CCDC192: variants seen among roughly 807,000 people sequenced by gnomAD.
The protein encoded by CCDC192 is coiled-coil domain containing 192.
intron 2 of CCDC192, among the ~76,000 whole-genome samples, chr5:127,739,198 G>A (rs1406307463): frequency 1.3e-5 from 2 of 151,930 alleles, no homozygotes; most frequent in African/African-American, 4.8e-5. Flanking sequence ...CGTGTGAGGT[G>A]TCAGTGTGCC....
At chr5:127,736,332 A>G (rs1752987096) in intron 2 of CCDC192, among the ~76,000 whole-genome samples, 1 of 146,286 alleles carries the variant, frequency 6.8e-6, no homozygotes, top group Non-Finnish European at 1.5e-5. Context: ...TCGTTTTGCC[A>G]GTATTTTATT....
At chr5:127,895,157 C>G (rs1415044138) in intron 6 of CCDC192, among the ~76,000 whole-genome samples, 1 of 152,208 alleles carries the variant, frequency 6.6e-6, no homozygotes, top group Non-Finnish European at 1.5e-5. Flanking sequence ...TCCCCCACCA[C>G]CTTCTTCTAA....
chr5:127,717,496 G>T (rs1751690269), intron 2 of CCDC192, among the ~76,000 whole-genome samples: 4 of 151,370 alleles, frequency 2.6e-5, no homozygotes, highest in Middle Eastern at 3.4e-3. Context: ...TTGTAATTGG[G>T]ATTTTTTTTT....
intron 2 of CCDC192, among the ~76,000 whole-genome samples, chr5:127,723,690 T>G (rs1423170204): frequency 6.6e-6 from 1 of 152,244 alleles, no homozygotes; most frequent in Non-Finnish European, 1.5e-5. Context: ...CTCTGGATAC[T>G]TGGGGAAGTT....
intron 6 of CCDC192, among the ~76,000 whole-genome samples, chr5:127,900,024 C>A (rs1752995790): frequency 1.3e-5 from 2 of 151,992 alleles, no homozygotes; most frequent in African/African-American, 4.8e-5. Context: ...TAGATTTAAC[C>A]ACCACTTATC....
At chr5:127,754,166 A>G (rs1460332698) in intron 2 of CCDC192, 102 bp from the exon 3 acceptor site, 2 of 393,332 alleles carry the variant, frequency 5.1e-6, no homozygotes, top group Non-Finnish European at 9.0e-6. Flanking sequence ...CAAGCCTATC[A>G]TTGATAAACT....
At chr5:127,905,956 A>G (rs778234870) in intron 6 of CCDC192, among the ~76,000 whole-genome samples, 1 of 152,234 alleles carries the variant, frequency 6.6e-6, no homozygotes, top group Admixed American at 6.5e-5. Context: ...CAATTTTGTC[A>G]AAGGCAAGCT....
intron 2 of CCDC192, among the ~76,000 whole-genome samples, chr5:127,738,930 G>A (rs1049340139): frequency 9.2e-5 from 14 of 151,858 alleles, no homozygotes; most frequent in Middle Eastern, 3.4e-3. Flanking sequence ...CCCTCAGCTC[G>A]TCAAAGTCAT....
intron 5 of CCDC192, among the ~76,000 whole-genome samples, chr5:127,870,640 T>C (rs1751812650): frequency 6.6e-6 from 1 of 152,182 alleles, no homozygotes; most frequent in South Asian, 2.1e-4. Context: ...CTGCTGAAAG[T>C]GCGACTAAAC....
At chr5:127,922,568 A>G (rs1753750960) in intron 6 of CCDC192, among the ~76,000 whole-genome samples, 1 of 152,200 alleles carries the variant, frequency 6.6e-6, no homozygotes, top group Admixed American at 6.5e-5. Context: ...GCAAAACCCC[A>G]TCTCTACATA....
intron 6 of CCDC192, among the ~76,000 whole-genome samples, chr5:127,936,958 G>T (rs1754203890): frequency 6.6e-6 from 1 of 152,180 alleles, no homozygotes. Context: ...GGAGTGAGAT[G>T]GTTAGTGGTA....
At chr5:127,707,802 C>T (rs1751057704) in intron 2 of CCDC192, 42 bp downstream of exon 2, 1 of 397,318 alleles carries the variant, frequency 2.5e-6, no homozygotes, top group Non-Finnish European at 4.4e-6. Flanking sequence ...TTAAAAAAAT[C>T]ATTACAGGTA....
intron 3 of CCDC192, among the ~76,000 whole-genome samples, chr5:127,784,230 A>G (rs757327850): frequency 2.6e-5 from 4 of 152,222 alleles, no homozygotes; most frequent in Non-Finnish European, 4.4e-5. Context: ...AATGGTTTTC[A>G]TAGCAGATTA....
intron 5 of CCDC192, among the ~76,000 whole-genome samples, chr5:127,818,635 G>A (rs1336571455): frequency 6.6e-6 from 1 of 152,182 alleles, no homozygotes; most frequent in Non-Finnish European, 1.5e-5. Context: ...CTAACCCAGG[G>A]TGGAGCTGGA....
intron 5 of CCDC192, among the ~76,000 whole-genome samples, chr5:127,853,964 A>T (rs1750932368): frequency 6.6e-6 from 1 of 151,856 alleles, no homozygotes; most frequent in Non-Finnish European, 1.5e-5. Context: ...CCTTTCAATG[A>T]CTCTATTCCC....
chr5:127,751,610 G>A (rs927917956), intron 2 of CCDC192, among the ~76,000 whole-genome samples: 31 of 152,116 alleles, frequency 2.0e-4, no homozygotes, highest in African/African-American at 6.0e-4. Flanking sequence ...TGCTCTTCTC[G>A]AGGAGTATCT....
chr5:127,821,996 C>G (rs1346184561), intron 5 of CCDC192, among the ~76,000 whole-genome samples: 1 of 152,188 alleles, frequency 6.6e-6, no homozygotes, highest in Non-Finnish European at 1.5e-5. Context: ...AATGTAAACA[C>G]AGGTTAGTAA....
intron 5 of CCDC192, among the ~76,000 whole-genome samples, chr5:127,801,048 A>G (rs2126978778): frequency 6.6e-6 from 1 of 152,260 alleles, no homozygotes; most frequent in Non-Finnish European, 1.5e-5. Flanking sequence ...AAGAGAGAGG[A>G]TAAAAATCTG....
At chr5:127,920,328 TATC>T (rs1209205215) in intron 6 of CCDC192, among the ~76,000 whole-genome samples, 1 of 151,984 alleles carries the variant, frequency 6.6e-6, no homozygotes, top group African/African-American at 2.4e-5. Flanking sequence ...TTCATTGATT[TATC>T]ATCATCAATG....
Sources: gnomAD v4.1 joint callset for allele counts (sites outside exome capture counted in the v4.1 genomes callset) on GRCh38, gnomAD v4.1.1 for gene constraint, MANE v1.5 for transcripts, NCBI Gene and HGNC (gene_info 2026-07-23, HGNC 2026-07-21) for gene names.